The following POU6F2 variants were observed in gnomAD, a reference collection of about 807,000 sequenced individuals.
POU6F2 encodes the protein POU class 6 homeobox 2, also known as POU domain, class 6, transcription factor 2.
Under a neutral mutation model 71.3 loss-of-function variants are expected in POU6F2, and 31 were observed. The observed-to-expected ratio is 0.43, with a 90% CI of 0.33 to 0.59. The LOEUF (loss-of-function observed/expected upper bound fraction) is 0.59, where lower values mean the gene tolerates loss of function less well. Ranked by LOEUF, POU6F2 falls within the 20% of genes least tolerant of loss-of-function variation. The pLI, the probability that POU6F2 is intolerant of heterozygous loss-of-function variation, is 0.04. For synonymous variants in POU6F2, 347 were observed against 355.7 expected (o/e 0.98, Z 0.27); for missense variants, 783 against 856.8 (o/e 0.91, Z 1.07).
At chr7:39,140,017 G>A (rs552722902) in intron 2 of POU6F2, among the ~76,000 whole-genome samples, 1 of 152,250 alleles carries the variant, frequency 6.6e-6, no homozygotes, top group East Asian at 1.9e-4. Flanking sequence ...TCATTAACCA[G>A]CTACCGTGAG....
At chr7:39,097,749 A>C (rs1172013032) in intron 2 of POU6F2, among the ~76,000 whole-genome samples, 1 of 152,198 alleles carries the variant, frequency 6.6e-6, no homozygotes, top group Non-Finnish European at 1.5e-5. Flanking sequence ...TTGATCACCT[A>C]GCTCACCCAC....
intron 4 of POU6F2, among the ~76,000 whole-genome samples, chr7:39,208,344 C>T (rs1794066155): frequency 1.3e-5 from 2 of 151,984 alleles, no homozygotes; most frequent in South Asian, 4.2e-4. Context: ...GGAAAATGAC[C>T]TGAATATAAA....
intron 5 of POU6F2, among the ~76,000 whole-genome samples, chr7:39,363,078 C>T (rs148104239): frequency 1.4e-4 from 21 of 152,194 alleles, no homozygotes; most frequent in East Asian, 3.9e-4. Flanking sequence ...GTCAGACTGC[C>T]GAGAGTCAGG....
intron 1 of POU6F2, among the ~76,000 whole-genome samples, chr7:38,986,041 C>A (rs1028600467): frequency 6.6e-6 from 1 of 152,058 alleles, no homozygotes; most frequent in East Asian, 1.9e-4. Flanking sequence ...CAATCTAATT[C>A]ATTAACACAC....
chr7:39,077,619 G>A (rs1017340270), intron 1 of POU6F2, among the ~76,000 whole-genome samples: 1 of 152,180 alleles, frequency 6.6e-6, no homozygotes, highest in Non-Finnish European at 1.5e-5. Context: ...ATACTGACAG[G>A]AGAGGAGGAC....
At chr7:39,048,428 G>A (rs932008632) in intron 1 of POU6F2, among the ~76,000 whole-genome samples, 1 of 151,782 alleles carries the variant, frequency 6.6e-6, no homozygotes, top group Non-Finnish European at 1.5e-5. Flanking sequence ...TGTTCTAAGT[G>A]AGAAAATGCA....
chr7:39,355,469 A>C (rs1268864275), intron 5 of POU6F2, among the ~76,000 whole-genome samples: 1 of 152,150 alleles, frequency 6.6e-6, no homozygotes. Context: ...TCTTCTTATG[A>C]GACAAGATCA....
At chr7:39,347,395 G>T (rs1786051552) in intron 5 of POU6F2, among the ~76,000 whole-genome samples, 1 of 152,146 alleles carries the variant, frequency 6.6e-6, no homozygotes, top group African/African-American at 2.4e-5. Flanking sequence ...CAGTTTCGTA[G>T]CGTCATCCTG....
intron 4 of POU6F2, among the ~76,000 whole-genome samples, chr7:39,234,095 A>G (rs1794628407): frequency 6.6e-6 from 1 of 152,184 alleles, no homozygotes; most frequent in Non-Finnish European, 1.5e-5. Context: ...TTTTGTAGAC[A>G]ATCAGCCCAG....
chr7:39,046,031 T>TA (rs763009675), intron 1 of POU6F2, among the ~76,000 whole-genome samples: 1 of 151,888 alleles, frequency 6.6e-6, no homozygotes, highest in Non-Finnish European at 1.5e-5. Context: ...AGAAAACTGT[T>TA]AAACAGTTTT....
intron 1 of POU6F2, among the ~76,000 whole-genome samples, chr7:38,979,765 G>A (rs922968405): frequency 2.6e-5 from 4 of 152,118 alleles, no homozygotes; most frequent in South Asian, 4.1e-4. Context: ...TTAGGTTGCA[G>A]GTCCTGTCTT....
At chr7:39,406,423 A>G in intron 5 of POU6F2, 177 bp from the exon 6 acceptor site, 2 of 662,022 alleles carry the variant, frequency 3.0e-6, no homozygotes, top group South Asian at 2.0e-5. Flanking sequence ...CCTCGTTTCC[A>G]TCATCCCCCT....
intron 5 of POU6F2, chr7:39,373,339 G>A (rs1786649756): frequency 2.3e-6 from 1 of 427,994 alleles, no homozygotes; most frequent in Non-Finnish European, 4.7e-6. Flanking sequence ...AGTGCTAGAA[G>A]ATCGACTGAT....
Position 39,222,179 on chromosome 7 carries a change from G to T in POU6F2, c.598+14559G>T, listed in dbSNP as rs115946833. On this transcript the variant is annotated intron_variant, in intron 4 of 9. Coordinates refer to ENST00000518318, the MANE Select transcript of POU6F2 (RefSeq NM_001370959.1). ...ACAACATCAGACATATTTGCAAGGG[G>T]CCTGTTGCTTTCTTTTGCTAAAAGC... Among the ~76,000 whole-genome samples the T allele has an allele frequency of 1.6e-3, 244 of 152,266 alleles. 1 individual carries two copies. Among genetic ancestry groups the T allele is most frequent in the African/African-American group, 5.6e-3 (231 of 41,548 alleles).
intron 4 of POU6F2, among the ~76,000 whole-genome samples, chr7:39,296,833 G>A (rs1278166423): frequency 6.6e-6 from 1 of 152,208 alleles, no homozygotes; most frequent in Non-Finnish European, 1.5e-5. Context: ...GGTTTCTCCA[G>A]TGCCTGGCCC....
intron 2 of POU6F2, among the ~76,000 whole-genome samples, chr7:39,111,021 G>T (rs1299284203): frequency 6.6e-6 from 1 of 152,044 alleles, no homozygotes; most frequent in Non-Finnish European, 1.5e-5. Context: ...TGTATATTTT[G>T]TTATTTTTGT....
At chr7:39,163,986 C>T (rs959951951) in intron 2 of POU6F2, among the ~76,000 whole-genome samples, 5 of 152,050 alleles carry the variant, frequency 3.3e-5, no homozygotes, top group Admixed American at 6.6e-5. Flanking sequence ...TACAAAATTC[C>T]AGTTAGGCAG....
Position 39,412,778 on chromosome 7 carries a change from C to CTTTTTTTTTTTTTTTTTT in POU6F2, c.1113+6062_1113+6079dup, listed in dbSNP as rs1166811956. Among the ~76,000 whole-genome samples, 8 of 23,168 alleles carry CTTTTTTTTTTTTTTTTTT rather than the reference C, an allele frequency of 3.5e-4. 4 individuals carry two copies. The highest frequency in any genetic ancestry group is 8.4e-4 in the Non-Finnish European group (8 of 9,474). 15.2% of individuals were successfully genotyped at this position (23,168 alleles called of 152,430 possible). ...TCCGTATTAGCTTCAGTTTTCTTGCCTTTTTTTTTTTTTTTTTTTTTTTTT... is the reference window on the plus strand; with the variant it reads ...TCCGTATTAGCTTCAGTTTTCTTGCCTTTTTTTTTTTTTTTTTTTTTTTTTTTTTTTTTTTTTTTTTTT... On this transcript the variant is annotated intron_variant, in intron 6 of 9. Coordinates refer to ENST00000518318, the MANE Select transcript of POU6F2 (RefSeq NM_001370959.1).
intron 1 of POU6F2, among the ~76,000 whole-genome samples, chr7:39,083,074 C>T (rs1791160384): frequency 1.3e-5 from 2 of 152,110 alleles, no homozygotes; most frequent in South Asian, 4.2e-4. Flanking sequence ...ATCAGCCAGA[C>T]AGAACATCTT....
Sources: allele counts gnomAD v4.1 joint callset (sites outside exome capture counted in the v4.1 genomes callset), GRCh38; gene constraint gnomAD v4.1.1; transcripts MANE v1.5; gene names NCBI Gene and HGNC (gene_info 2026-07-23, HGNC 2026-07-21).